HPGD: variants seen among roughly 807,000 people sequenced by gnomAD.
HPGD encodes the protein 15-hydroxyprostaglandin dehydrogenase [NAD(+)].
Under a neutral mutation model 30.0 loss-of-function variants are expected in HPGD, and 29 were observed. That is an observed-to-expected ratio of 0.97 (90% CI 0.72 to 1.32). HPGD has a LOEUF of 1.32. Ranked by LOEUF, HPGD falls within the 40% of genes most tolerant of loss-of-function variation. The pLI is 0.00. For missense variants in HPGD, 340 were observed against 322.1 expected (o/e 1.06, Z -0.43); for synonymous variants, 99 against 112.4 (o/e 0.88, Z 0.75).
intron 4 of HPGD, among the ~76,000 whole-genome samples, chr4:174,504,616 T>TG (rs1292594431): frequency 6.6e-6 from 1 of 150,766 alleles, no homozygotes; most frequent in African/African-American, 2.5e-5. Flanking sequence ...GATACCAGCC[T>TG]GGCTAGCATG....
At chr4:174,511,800 C>T (rs1300530428) in intron 3 of HPGD, among the ~76,000 whole-genome samples, 1 of 152,178 alleles carries the variant, frequency 6.6e-6, no homozygotes, top group Non-Finnish European at 1.5e-5. Context: ...GCGTCCGCCA[C>T]CACGCCCGGC....
At chr4:174,517,604 T>A (rs1017486800) in intron 3 of HPGD, among the ~76,000 whole-genome samples, 1 of 152,174 alleles carries the variant, frequency 6.6e-6, no homozygotes, top group African/African-American at 2.4e-5. Context: ...TTTCATATAA[T>A]CATATTATTC....
intron 5 of HPGD, chr4:174,495,241 A>G (rs558998763): frequency 1.6e-5 from 6 of 373,802 alleles, no homozygotes; most frequent in South Asian, 1.6e-4. Context: ...GCATTTCAGA[A>G]AAGCTGAAGT....
intron 3 of HPGD, among the ~76,000 whole-genome samples, chr4:174,512,250 A>G (rs1444232630): frequency 6.6e-6 from 1 of 152,222 alleles, no homozygotes; most frequent in Non-Finnish European, 1.5e-5. Flanking sequence ...TGACCCAGTA[A>G]CTATTAACTA....
chr4:174,501,370 A>G (rs1017496479), intron 4 of HPGD, among the ~76,000 whole-genome samples: 2 of 152,228 alleles, frequency 1.3e-5, no homozygotes, highest in Non-Finnish European at 2.9e-5. Flanking sequence ...TGACCATGTG[A>G]GAGCAGTCTC....
chr4:174,507,826 A>T, intron 4 of HPGD: 1 of 349,060 alleles, frequency 2.9e-6, no homozygotes, highest in Non-Finnish European at 5.3e-6. Flanking sequence ...GCTGATACTA[A>T]ATCATACTAC....
intron 3 of HPGD, among the ~76,000 whole-genome samples, chr4:174,515,795 A>G (rs993307664): frequency 1.3e-5 from 2 of 152,102 alleles, no homozygotes; most frequent in Non-Finnish European, 2.9e-5. Flanking sequence ...AAACAACCCC[A>G]TTAAAAAAAG....
Position 174,494,219 on chromosome 4 carries a change from T to C in HPGD, c.499-905A>G, listed in dbSNP as rs45545235. Among the ~76,000 whole-genome samples the C allele has an allele frequency of 7.2e-3, 1,102 of 152,304 alleles. 15 individuals are homozygous for C. Among genetic ancestry groups the C allele is most frequent in the African/African-American group, 0.024 (1,018 of 41,562 alleles). ...ATAAGTGCTTTAGTAATGAGTTCAA[T>C]GTTCATACAACCTATGATAAATAAG... On this transcript the variant is annotated intron_variant, in intron 5 of 6. Transcript: ENST00000296522. This position sits in a 1 kb window ranked among gnomAD's most constrained non-coding sequence, Gnocchi z 4.9.
intron 4 of HPGD, among the ~76,000 whole-genome samples, chr4:174,505,759 C>T (rs45542539): frequency 4.9e-4 from 75 of 152,128 alleles, no homozygotes; most frequent in Non-Finnish European, 4.9e-4. Flanking sequence ...ACAAGAGGTG[C>T]GGAGGCTGGA....
At chr4:174,517,472 G>A (rs559689963) in intron 3 of HPGD, among the ~76,000 whole-genome samples, 1 of 152,300 alleles carries the variant, frequency 6.6e-6, no homozygotes, top group South Asian at 2.1e-4. Flanking sequence ...GTCATTGAAT[G>A]CCACAGGATC....
In HPGD at chr4:174,522,014, C is replaced by A; in HGVS notation, c.147G>T (p.Leu49=). ...LEAGVQCKAA[L]DEQFEPQKTL... is the part of the protein sequence containing the mutation. ...TCTTCTGAGGTTCAAACTGCTCATCCAGGGCAGCTTTACACTGTACACCTG... is the reference window on the plus strand; with the variant it reads ...TCTTCTGAGGTTCAAACTGCTCATCAAGGGCAGCTTTACACTGTACACCTG... Residue 49 remains leucine, a synonymous_variant, in exon 2 of 7, where the codon CTG becomes CTT. Transcript: ENST00000296522. The A allele has an allele frequency of 1.2e-6, 2 of 1,614,142 alleles. No individual in the cohort carries two copies. Among genetic ancestry groups the A allele is most frequent in the Non-Finnish European group, 1.7e-6 (2 of 1,179,972 alleles).
Position 174,522,403 on chromosome 4 carries a change from T to C in HPGD, c.49A>G (p.Ile17Val), listed in dbSNP as rs374672003. 20 of 1,583,410 alleles carry C rather than the reference T, an allele frequency of 1.3e-5. No individual in the cohort carries two copies. The African/African-American group carries it at 2.6e-4, about 20-fold the overall frequency. ...VALVTGAAQG[I>V]GRAFAEALLL... The stretch of plus-strand genomic sequence containing the variant: ...AGCGCCTCTGCAAAGGCTCTGCCTA[T>C]GCCCTGAGCCGCGCCGGTCACCAGC... The change falls in exon 1 of 7, where the codon ATA (isoleucine) becomes GTA (valine). Residue 17 changes from isoleucine (I) to valine (V), a missense_variant. Coordinates refer to ENST00000296522, the MANE Select transcript of HPGD (RefSeq NM_000860.6).
chr4:174,506,273 C>G (rs1316098655), intron 4 of HPGD, among the ~76,000 whole-genome samples: 3 of 152,108 alleles, frequency 2.0e-5, no homozygotes, highest in Non-Finnish European at 4.4e-5. Context: ...GGGGCAAAAG[C>G]TTAAGATTTC....
chr4:174,501,022 G>A (rs1039146641), intron 4 of HPGD, among the ~76,000 whole-genome samples: 2 of 152,148 alleles, frequency 1.3e-5, no homozygotes, highest in Non-Finnish European at 2.9e-5. Flanking sequence ...AAACTGGACT[G>A]TTTCTAATCT....
chr4:174,500,347 T>C (rs1734842208), intron 4 of HPGD, among the ~76,000 whole-genome samples: 1 of 152,234 alleles, frequency 6.6e-6, no homozygotes, highest in Non-Finnish European at 1.5e-5. Flanking sequence ...GAAGACAATT[T>C]AGCAATTTCT....
At chr4:174,516,124 C>T (rs561291666) in intron 3 of HPGD, among the ~76,000 whole-genome samples, 2 of 152,258 alleles carry the variant, frequency 1.3e-5, no homozygotes, top group East Asian at 3.9e-4. Context: ...CCATTCAACC[C>T]AGCAACCCCA....
Position 174,491,979 on chromosome 4 carries a change from G to A in HPGD, c.778C>T (p.Pro260Ser). ...GIHFQDYDTTPFQAKTQ is the reference protein window; with the variant it reads ...GIHFQDYDTTSFQAKTQ ...GTTCATTGGGTTTTTGCTTGAAATG[G>A]AGTTGTATCATAGTCTTGAAAATGA... Residue 260 changes from proline (P) to serine (S), a missense_variant, in exon 7 of 7, where the codon CCA becomes TCA. By Grantham distance (74) the Pro-to-Ser change is moderately conservative (BLOSUM62 -1). Coordinates refer to ENST00000296522, the MANE Select transcript of HPGD (RefSeq NM_000860.6). 1.1e-5 allele frequency: 18 copies of A among 1,612,024 alleles called. No homozygotes were observed. Among genetic ancestry groups the A allele is most frequent in the Non-Finnish European group, 1.5e-5 (18 of 1,178,524 alleles).
At chr4:174,511,574 C>T (rs185658155) in intron 3 of HPGD, among the ~76,000 whole-genome samples, 3 of 152,298 alleles carry the variant, frequency 2.0e-5, no homozygotes, top group Admixed American at 2.0e-4. Context: ...GTTAAGTTTA[C>T]CTCTGCCCAA....
At chr4:174,498,374 G>A (rs911486710) in intron 4 of HPGD, among the ~76,000 whole-genome samples, 13 of 151,630 alleles carry the variant, frequency 8.6e-5, no homozygotes, top group South Asian at 8.3e-4. Context: ...AAAACTGCAC[G>A]TATTGAAAGT....
Sources: gnomAD v4.1 joint callset for allele counts (sites outside exome capture counted in the v4.1 genomes callset) on GRCh38, gnomAD v4.1.1 for gene constraint, Gnocchi (gnomAD v3.1) non-coding constraint, MANE v1.5 for transcripts, NCBI Gene and HGNC (gene_info 2026-07-23, HGNC 2026-07-21) for gene names.